The following VPS13B variants were observed in gnomAD, a reference collection of about 807,000 sequenced individuals.
The protein encoded by VPS13B is vacuolar protein sorting 13 homolog B.
VPS13B carries 285 observed loss-of-function variants against 426.4 expected under a neutral mutation model. The ratio of observed to expected loss-of-function variants is 0.67; its 90% CI spans 0.61 to 0.74. The LOEUF (loss-of-function observed/expected upper bound fraction) is 0.74, where lower values mean the gene tolerates loss of function less well. Ranked by LOEUF, VPS13B falls within the 30% of genes least tolerant of loss-of-function variation. VPS13B has a pLI of 0.00. For synonymous variants in VPS13B, 1,676 were observed against 1,676.4 expected, an observed-to-expected ratio of 1.00 and a Z score of 0.01; for missense variants, 4,537 against 4,782.6, an observed-to-expected ratio of 0.95 and a Z score of 1.51.
chr8:99,025,615 T>C (rs777989291), intron 2 of VPS13B, among the ~76,000 whole-genome samples: 9 of 152,178 alleles, frequency 5.9e-5, no homozygotes, highest in Non-Finnish European at 1.2e-4. Flanking sequence ...TTCAGTTTTT[T>C]GGAATAGTTT....
intron 15 of VPS13B, among the ~76,000 whole-genome samples, chr8:99,160,703 T>C (rs1811604629): frequency 6.7e-6 from 1 of 148,220 alleles, no homozygotes; most frequent in Admixed American, 6.7e-5. Context: ...TTTCATGTAA[T>C]GTATCAAAAG....
intron 39 of VPS13B, among the ~76,000 whole-genome samples, chr8:99,753,602 A>G (rs186753132): frequency 8.4e-4 from 128 of 152,322 alleles, no homozygotes; most frequent in African/African-American, 2.9e-3. Context: ...GAAAGATGTC[A>G]TATTACACAC....
At chr8:99,330,030 C>G (rs1344394293) in intron 19 of VPS13B, among the ~76,000 whole-genome samples, 1 of 151,778 alleles carries the variant, frequency 6.6e-6, no homozygotes, top group South Asian at 2.1e-4. Context: ...TTGAGAGTCA[C>G]TGTTTAGAGT....
At chr8:99,053,142 T>A (rs1456982605) in intron 3 of VPS13B, among the ~76,000 whole-genome samples, 3 of 151,734 alleles carry the variant, frequency 2.0e-5, no homozygotes, top group Admixed American at 2.0e-4. Flanking sequence ...ATTTATTTAT[T>A]TTTTATTTTT....
At chr8:99,620,994 A>C (rs1161752539) in intron 33 of VPS13B, among the ~76,000 whole-genome samples, 1 of 150,900 alleles carries the variant, frequency 6.6e-6, no homozygotes, top group African/African-American at 2.4e-5. Context: ...CTCAAAAAAA[A>C]AAAAAAAAAA....
intron 14 of VPS13B, among the ~76,000 whole-genome samples, chr8:99,149,100 A>G (rs781597920): frequency 3.3e-5 from 5 of 152,348 alleles, no homozygotes; most frequent in Non-Finnish European, 7.3e-5. Flanking sequence ...GGATTTGTGT[A>G]ACATTATCAG....
chr8:99,836,115 T>C (rs536559978), intron 54 of VPS13B, among the ~76,000 whole-genome samples: 1 of 152,230 alleles, frequency 6.6e-6, no homozygotes, highest in Non-Finnish European at 1.5e-5. Flanking sequence ...AATATGTGTA[T>C]TTTAAAATTA....
rs139227281 is a variant in VPS13B, at chr8:99,854,015, G to A, written c.10626G>A (p.Val3542=). 70 of 1,614,110 alleles carry A rather than the reference G, an allele frequency of 4.3e-5. No homozygotes were observed. Among genetic ancestry groups the A allele is most frequent in the Admixed American group, 1.7e-4 (10 of 60,012 alleles). The change falls in exon 56 of 62, where the codon GTG becomes GTA. Residue 3542 remains valine, a synonymous_variant. Transcript: ENST00000357162. ...HSTHLSGGKQ[V]LPMQVTQHAR... The stretch of plus-strand genomic sequence containing the variant: ...CACACCTCTCCGGGGGTAAACAGGT[G>A]TTGCCCATGCAGGTCACACAGCACG...
At chr8:99,511,032 T>G (rs1442297722) in intron 28 of VPS13B, 72 bp from the exon 29 acceptor site, 8 of 1,558,472 alleles carry the variant, frequency 5.1e-6, no homozygotes, top group Non-Finnish European at 7.0e-6. Flanking sequence ...CTGAGGTCAT[T>G]TTCTTCTTTC....
intron 35 of VPS13B, among the ~76,000 whole-genome samples, chr8:99,673,251 TG>T (rs1466017114): frequency 6.6e-6 from 1 of 152,176 alleles, no homozygotes; most frequent in East Asian, 1.9e-4. Flanking sequence ...GTGAAGTCAT[TG>T]GACCCTGGGC....
At position 99,859,919 on chromosome 8, in the gene VPS13B, A is replaced by G. The variant is rs1207101686; in HGVS notation, c.11044+439A>G. ...ACATGGAAGCGGATTTGGGGGTGAA[A>G]CAGCCAACTTTTCTCTAGCACGCCA... On this transcript the variant is annotated intron_variant, in intron 57 of 61. Transcript: ENST00000357162. Among the ~76,000 whole-genome samples, 5 of 152,168 alleles carry G rather than the reference A, an allele frequency of 3.3e-5. No individual in the cohort carries two copies. In the East Asian group the frequency reaches 9.6e-4, roughly 29 times the overall value.
At chr8:99,355,595 GAAACAAA>G (rs1812139446) in intron 19 of VPS13B, among the ~76,000 whole-genome samples, 1 of 151,976 alleles carries the variant, frequency 6.6e-6, no homozygotes, top group African/African-American at 2.4e-5. Flanking sequence ...ATCTCAAAAA[GAAACAAA>G]CCAACCAACA....
intron 33 of VPS13B, among the ~76,000 whole-genome samples, chr8:99,628,145 T>G (rs1262819005): frequency 6.6e-6 from 1 of 152,214 alleles, no homozygotes; most frequent in Non-Finnish European, 1.5e-5. Flanking sequence ...AAGTCAGTTT[T>G]TTCCCACATA....
rs919812320 is a variant in VPS13B, at chr8:99,820,545, C to A, written c.8994+423C>A. On this transcript the variant is annotated intron_variant, in intron 49 of 61. Transcript: ENST00000357162. Reference sequence around the variant, plus strand: ...TCAGAGCAACTGTTTTTGTCAGGGACCCCTTTCCTTTATAGGTGGACTTGG... The same window carrying A: ...TCAGAGCAACTGTTTTTGTCAGGGAACCCTTTCCTTTATAGGTGGACTTGG... Among the ~76,000 whole-genome samples, 3 of 152,180 alleles carry A rather than the reference C, an allele frequency of 2.0e-5. No individual in the cohort carries two copies. The East Asian group carries it at 5.8e-4, about 29-fold the overall frequency.
chr8:99,824,136 G>A (rs1814534476), intron 51 of VPS13B, among the ~76,000 whole-genome samples, 158 bp downstream of exon 51: 2 of 152,164 alleles, frequency 1.3e-5, no homozygotes, highest in Non-Finnish European at 2.9e-5. Context: ...TGAATGTCAT[G>A]GTCACTGCTT....
rs561623202 is a variant in VPS13B, at chr8:99,684,534, G to A, written c.6047-14991G>A. Among the ~76,000 whole-genome samples, 4 of 152,276 alleles carry A rather than the reference G, an allele frequency of 2.6e-5. No homozygotes were observed. In the South Asian group the frequency reaches 6.2e-4, roughly 24 times the overall value. On this transcript the variant is annotated intron_variant, in intron 35 of 61. Transcript: ENST00000357162. ...GCTGCCATTAGTCTAGGATAAGGGGGTAGGGGAGGAAAAATTAGAAACTCA... is the reference window on the plus strand; with the variant it reads ...GCTGCCATTAGTCTAGGATAAGGGGATAGGGGAGGAAAAATTAGAAACTCA...
intron 39 of VPS13B, among the ~76,000 whole-genome samples, chr8:99,761,570 A>G (rs1280200971): frequency 6.6e-6 from 1 of 152,166 alleles, no homozygotes; most frequent in African/African-American, 2.4e-5. Flanking sequence ...GTGCCAGCTA[A>G]TTTTTATAAG....
chr8:99,209,014 C>CT (rs1315388971), intron 17 of VPS13B, among the ~76,000 whole-genome samples: 13 of 152,140 alleles, frequency 8.5e-5, no homozygotes, highest in African/African-American at 4.8e-5. Context: ...GGCAGGGTGG[C>CT]TCATGCCTGT....
intron 33 of VPS13B, among the ~76,000 whole-genome samples, chr8:99,616,217 A>T (rs193105384): frequency 6.6e-6 from 1 of 152,318 alleles, no homozygotes; most frequent in East Asian, 1.9e-4. Flanking sequence ...TGAGATGCTG[A>T]GGTCCAGTCT....
Sources: gnomAD v4.1 joint callset for allele counts (sites outside exome capture counted in the v4.1 genomes callset) on GRCh38, gnomAD v4.1.1 for gene constraint, MANE v1.5 for transcripts, NCBI Gene and HGNC (gene_info 2026-07-23, HGNC 2026-07-21) for gene names.